Variants in MAOA observed in about 807,000 individuals in gnomAD.
The protein encoded by MAOA is monoamine oxidase A, also known as amine oxidase [flavin-containing] A.
A neutral mutation model predicts 42.0 loss-of-function variants in MAOA; 6 were observed. That is an observed-to-expected ratio of 0.14 (90% CI 0.08 to 0.28). The LOEUF (loss-of-function observed/expected upper bound fraction) is 0.28, where lower values mean the gene tolerates loss of function less well. MAOA is among the 10% of genes least tolerant of loss of function. MAOA has a pLI of 1.00. For missense variants in MAOA, 262 were observed against 422.3 expected (o/e 0.62, Z 3.33); for synonymous variants, 140 against 154.0 (o/e 0.91, Z 0.67).
At chrX:43,686,997 G>A (rs191240271) in intron 2 of MAOA, among the ~76,000 whole-genome samples, 2 of 111,586 alleles carry the variant, frequency 1.8e-5, no homozygotes, top group East Asian at 2.8e-4. Context: ...GTTCAGATGC[G>A]TCTTCCATTA....
intron 5 of MAOA, among the ~76,000 whole-genome samples, chrX:43,716,630 T>C (rs757845721): frequency 9.3e-6 from 1 of 108,100 alleles, no homozygotes; most frequent in East Asian, 3.0e-4. Context: ...GTGACAGTGG[T>C]GGGGGTGGGA....
intron 3 of MAOA, among the ~76,000 whole-genome samples, chrX:43,693,780 TACACACACAC>T (rs112883967): frequency 2.9e-5 from 3 of 102,449 alleles, no homozygotes; most frequent in Non-Finnish European, 6.0e-5. Context: ...AACAGACATG[TACACACACAC>T]ACACACACAC....
At chrX:43,721,593 C>A (rs2033789206) in intron 5 of MAOA, among the ~76,000 whole-genome samples, 1 of 109,956 alleles carries the variant, frequency 9.1e-6, no homozygotes, top group African/African-American at 3.3e-5. Context: ...AGGGCTGTGG[C>A]AATGAAGATG....
chrX:43,673,225 A>G (rs1479562826), intron 1 of MAOA, among the ~76,000 whole-genome samples: 5 of 111,693 alleles, frequency 4.5e-5, no homozygotes, highest in East Asian at 2.8e-4. Flanking sequence ...ATTTATTTGC[A>G]TAGAGGTGTT....
At chrX:43,741,023 G>A (rs2033957004) in intron 11 of MAOA, among the ~76,000 whole-genome samples, 2 of 111,329 alleles carry the variant, frequency 1.8e-5, no homozygotes, top group South Asian at 7.6e-4. Flanking sequence ...TCAAGAATGG[G>A]TGAGTTGGGT....
intron 2 of MAOA, among the ~76,000 whole-genome samples, chrX:43,690,259 T>C (rs1404500208): frequency 1.8e-5 from 2 of 109,878 alleles, no homozygotes; most frequent in African/African-American, 3.3e-5. Context: ...GCATTCTAGA[T>C]AATTTATTCA....
At chrX:43,695,548 T>C (rs760623319) in intron 3 of MAOA, among the ~76,000 whole-genome samples, 144 of 110,089 alleles carry the variant, frequency 1.3e-3, no homozygotes, top group African/African-American at 4.5e-3. Context: ...CTGGGCAACA[T>C]AGTGAGACCT....
intron 12 of MAOA, among the ~76,000 whole-genome samples, chrX:43,742,650 G>A (rs2033968368): frequency 8.9e-6 from 1 of 112,029 alleles, no homozygotes. Context: ...CACACTCAGG[G>A]AAGCCCAAAG....
chrX:43,697,703 G>C (rs974073000), intron 3 of MAOA, among the ~76,000 whole-genome samples: 31 of 111,876 alleles, frequency 2.8e-4, no homozygotes, highest in African/African-American at 1.0e-3. Flanking sequence ...CAAAAAAGTA[G>C]TGGGTTGGTT....
At chrX:43,731,614 G>T in intron 7 of MAOA, 80 bp from the exon 8 acceptor site, 1 of 1,009,867 alleles carries the variant, frequency 9.9e-7, no homozygotes, top group Non-Finnish European at 1.4e-6. Context: ...TTGTTTAGAA[G>T]TGATAAAGAT....
At chrX:43,710,233 T>C (rs931374417) in intron 3 of MAOA, among the ~76,000 whole-genome samples, 4 of 112,658 alleles carry the variant, frequency 3.6e-5, no homozygotes, top group African/African-American at 1.3e-4. Context: ...TAAATGTTAG[T>C]GATGATGGTG....
chrX:43,725,124 T>G (rs1183798847), intron 5 of MAOA, among the ~76,000 whole-genome samples: 1 of 111,992 alleles, frequency 8.9e-6, no homozygotes, highest in Non-Finnish European at 1.9e-5. Context: ...AAGTGTGATG[T>G]GGTACTGAGA....
At chrX:43,732,879 T>G (rs913882377) in intron 9 of MAOA, 84 bp downstream of exon 9, 6 of 642,039 alleles carry the variant, frequency 9.3e-6, no homozygotes, top group Non-Finnish European at 1.3e-5. Context: ...TACTTTGGAA[T>G]TAAGTTCAAG....
At chrX:43,743,129 T>C (rs2033972998) in intron 12 of MAOA, among the ~76,000 whole-genome samples, 2 of 110,966 alleles carry the variant, frequency 1.8e-5, no homozygotes, top group Non-Finnish European at 3.8e-5. Flanking sequence ...TGAAACTAGC[T>C]GTGGACATGG....
intron 4 of MAOA, among the ~76,000 whole-genome samples, chrX:43,712,291 T>A (rs1014750240): frequency 9.0e-6 from 1 of 111,494 alleles, no homozygotes; most frequent in Non-Finnish European, 1.9e-5. Context: ...TATCTCTACT[T>A]ACAGTTGTCT....
intron 3 of MAOA, among the ~76,000 whole-genome samples, chrX:43,706,228 T>G (rs1394880028): frequency 3.6e-5 from 4 of 112,512 alleles, no homozygotes; most frequent in Non-Finnish European, 7.5e-5. Flanking sequence ...GATATGTGAA[T>G]GATATGTTAA....
Position 43,744,004 on chromosome X carries a change from A to G in MAOA, c.1374+99A>G, listed in dbSNP as rs1237968033. 43 of 1,183,969 alleles carry G rather than the reference A, an allele frequency of 3.6e-5. No homozygotes were observed. The Middle Eastern group carries it at 6.9e-4, about 19-fold the overall frequency. ...TGACACTGATAGAATCTGTATGTCC[A>G]TTTCTCTGCCCCTCACTCATGGGGC... On this transcript the variant is annotated intron_variant, in intron 13 of 14. Transcript: ENST00000338702.
chrX:43,727,669 G>A (rs1046062716), intron 5 of MAOA, among the ~76,000 whole-genome samples: 3 of 112,928 alleles, frequency 2.7e-5, no homozygotes, highest in Non-Finnish European at 5.6e-5. Flanking sequence ...GAAGACTGTG[G>A]GAAAAGCGCA....
chrX:43,697,915 C>T (rs7057038), intron 3 of MAOA, among the ~76,000 whole-genome samples: 1,129 of 112,265 alleles, frequency 0.01, 16 homozygotes, highest in African/African-American at 0.033. Flanking sequence ...AGTAACTCTA[C>T]TTATTTTAAA....
Sources: allele counts gnomAD v4.1 joint callset (sites outside exome capture counted in the v4.1 genomes callset), GRCh38; gene constraint gnomAD v4.1.1; transcripts MANE v1.5; gene names NCBI Gene and HGNC (gene_info 2026-07-23, HGNC 2026-07-21).